CATSPERB: variants seen among roughly 807,000 people sequenced by gnomAD.
The protein encoded by CATSPERB is cation channel sperm-associated auxiliary subunit beta.
A neutral mutation model predicts 128.3 loss-of-function variants in CATSPERB; 93 were observed. The observed-to-expected ratio is 0.72, with a 90% CI of 0.61 to 0.86. CATSPERB has a LOEUF of 0.86. CATSPERB is among the 40% of genes least tolerant of loss of function. The probability of loss-of-function intolerance (pLI) is 0.00; values close to 1 mark genes in which losing one functional copy is unlikely to be tolerated. For synonymous variants in CATSPERB, 381 were observed against 448.8 expected, an observed-to-expected ratio of 0.85 and a Z score of 1.91; for missense variants, 1,153 against 1,329.5, an observed-to-expected ratio of 0.87 and a Z score of 2.06.
At chr14:91,683,843 CT>C in intron 11 of CATSPERB, 33 bp downstream of exon 11, 2 of 1,346,432 alleles carry the variant, frequency 1.5e-6, no homozygotes, top group Non-Finnish European at 2.1e-6. Flanking sequence ...ATGTAAAAGT[CT>C]CTTAATACAG....
At chr14:91,590,758 C>G (rs1480273274) in intron 23 of CATSPERB, among the ~76,000 whole-genome samples, 2 of 151,752 alleles carry the variant, frequency 1.3e-5, no homozygotes, top group Non-Finnish European at 2.9e-5. Context: ...TCAAGCCATT[C>G]TCCTGCCTTA....
chr14:91,695,129 ATTTT>A lies in CATSPERB; in HGVS notation c.617-1654_617-1651del, dbSNP rs34458723. ...TTTAGTTTTACAGATAATGGTGGGA[ATTTT>A]TTTTTTTTTTTTTTTTGATAGAGTC... is the stretch of plus-strand genomic sequence containing the variant. On this transcript the variant is annotated intron_variant, in intron 7 of 26. Coordinates refer to ENST00000256343, the MANE Select transcript of CATSPERB (RefSeq NM_024764.4). Among the ~76,000 whole-genome samples the A allele has an allele frequency of 5.3e-3, 714 of 133,526 alleles. 3 individuals carry two copies. Among genetic ancestry groups the A allele is most frequent in the African/African-American group, 0.018 (662 of 35,858 alleles). 87.6% of individuals were successfully genotyped at this position (133,526 alleles called of 152,430 possible). A position where few individuals can be genotyped will look rare whatever the true frequency, so the allele number is the denominator to read the frequency against.
chr14:91,715,716 T>C (rs540494693), intron 5 of CATSPERB, among the ~76,000 whole-genome samples: 56 of 152,188 alleles, frequency 3.7e-4, no homozygotes, highest in African/African-American at 1.2e-3. Flanking sequence ...ACCAAAACAA[T>C]TTTGAAAAAG....
intron 16 of CATSPERB, 146 bp downstream of exon 16, chr14:91,638,950 G>T (rs758918112): frequency 1.4e-4 from 89 of 647,928 alleles, no homozygotes; most frequent in Non-Finnish European, 2.2e-4. Flanking sequence ...GGCACATGGA[G>T]GTTCTTCCTT....
chr14:91,647,582 T>C (rs984481004), intron 15 of CATSPERB, among the ~76,000 whole-genome samples: 4 of 152,222 alleles, frequency 2.6e-5, no homozygotes, highest in African/African-American at 9.6e-5. Flanking sequence ...CTTACAATCA[T>C]GGCTGAAAGC....
chr14:91,603,982 C>G (rs1323500510), intron 22 of CATSPERB, among the ~76,000 whole-genome samples: 1 of 132,838 alleles, frequency 7.5e-6, no homozygotes, highest in African/African-American at 2.9e-5. Context: ...TTTTTTTTGT[C>G]TCTCTCTCCC....
intron 15 of CATSPERB, among the ~76,000 whole-genome samples, chr14:91,654,314 G>C: frequency 6.6e-6 from 1 of 152,152 alleles, no homozygotes. Flanking sequence ...TGGGGTCTCT[G>C]ATTCCAGGAC....
intron 7 of CATSPERB, among the ~76,000 whole-genome samples, chr14:91,696,976 G>A (rs1249962666): frequency 6.6e-6 from 1 of 152,168 alleles, no homozygotes; most frequent in Admixed American, 6.5e-5. Flanking sequence ...GCACAGCCAA[G>A]AGTAAGAGGG....
intron 26 of CATSPERB, among the ~76,000 whole-genome samples, chr14:91,586,372 A>AAGG (rs1893297854): frequency 1.3e-5 from 2 of 152,034 alleles, no homozygotes; most frequent in Admixed American, 1.3e-4. Context: ...AAAAAATAAC[A>AAGG]AGGATTTTCC....
At position 91,604,597 on chromosome 14, in the gene CATSPERB, A is replaced by G. The variant is rs574004454; in HGVS notation, c.2709+3697T>C. ...ACTGCAGAGATTCCTCTCCATAGTTATAGAAGGGACTGTTCCAGGCCTGAT... is the reference window on the plus strand; with the variant it reads ...ACTGCAGAGATTCCTCTCCATAGTTGTAGAAGGGACTGTTCCAGGCCTGAT... On this transcript the variant is annotated intron_variant, in intron 22 of 26. Coordinates refer to ENST00000256343, the MANE Select transcript of CATSPERB (RefSeq NM_024764.4). 1.9e-6 allele frequency: 3 copies of G among 1,610,796 alleles called. No homozygotes were observed. In the Admixed American group the frequency reaches 5.0e-5, roughly 27 times the overall value.
chr14:91,625,677 T>C lies in CATSPERB; in HGVS notation c.1743-670A>G, dbSNP rs529329500. ...CATCAAAGTGTTAACAGTCATAATT[T>C]CAATTATCTTAATATTTTTCTGCCT... is the stretch of plus-strand genomic sequence containing the variant. On this transcript the variant is annotated intron_variant, in intron 17 of 26. Coordinates refer to ENST00000256343, the MANE Select transcript of CATSPERB (RefSeq NM_024764.4). Among the ~76,000 whole-genome samples the C allele has an allele frequency of 6.2e-4, 95 of 152,328 alleles. 1 individual carries two copies. Among genetic ancestry groups the C allele is most frequent in the African/African-American group, 2.2e-3 (92 of 41,576 alleles).
At chr14:91,589,097 A>G (rs146463521) in intron 24 of CATSPERB, among the ~76,000 whole-genome samples, 1 of 152,342 alleles carries the variant, frequency 6.6e-6, no homozygotes, top group African/African-American at 2.4e-5. Flanking sequence ...CATCTTTTCA[A>G]TTATTTTACC....
rs974059881 is a variant in CATSPERB, at chr14:91,638,973, G to A, written c.1587+123C>T. 3.7e-6 allele frequency: 3 copies of A among 811,890 alleles called. No homozygotes were observed. In the East Asian group the frequency reaches 7.9e-5, roughly 21 times the overall value. 50.3% of individuals were successfully genotyped at this position (811,890 alleles called of 1,614,324 possible). A position where few individuals can be genotyped will look rare whatever the true frequency, so the allele number is the denominator to read the frequency against. The stretch of plus-strand genomic sequence containing the variant: ...GAGGTTCTTCCTTTAGTTAAATAGA[G>A]CAAACTGCATTAATGAGTTTGTCCC... On this transcript the variant is annotated intron_variant, in intron 16 of 26. Transcript: ENST00000256343.
intron 5 of CATSPERB, 119 bp from the exon 6 acceptor site, chr14:91,708,355 G>C: frequency 1.6e-6 from 1 of 625,760 alleles, no homozygotes; most frequent in Non-Finnish European, 2.7e-6. Context: ...CCATTTTGTT[G>C]GTATTTATAT....
At chr14:91,692,252 A>G (rs1895485912) in intron 9 of CATSPERB, among the ~76,000 whole-genome samples, 1 of 151,084 alleles carries the variant, frequency 6.6e-6, no homozygotes, top group Admixed American at 6.6e-5. Context: ...AGGAAGGCAC[A>G]CCCTCAACCT....
Position 91,730,885 on chromosome 14 carries a change from G to A in CATSPERB, c.-1+1045C>T, listed in dbSNP as rs112538296. Among the ~76,000 whole-genome samples, 373 of 152,206 alleles carry A rather than the reference G, an allele frequency of 2.5e-3. 3 individuals are homozygous for A. Among genetic ancestry groups the A allele is most frequent in the African/African-American group, 8.3e-3 (343 of 41,524 alleles). ...ATCACATTAACAGGGGAGAACTGAA[G>A]GTTTTTAGTGCATTTTTAAAAATCA... On this transcript the variant is annotated intron_variant, in intron 1 of 26. Transcript: ENST00000256343.
rs182844992 is a variant in CATSPERB, at chr14:91,604,801, G to A, written c.2709+3493C>T. 1.2e-3 allele frequency: 2,004 copies of A among 1,605,966 alleles called. 13 individuals carry two copies. The African/African-American group carries it at 0.024, about 19-fold the overall frequency. ...GGTAGGAAGAGTAGAGGCTGGGGTA[G>A]GTAGGTGCTGAGGCCTTCTGAGTCA... On this transcript the variant is annotated intron_variant, in intron 22 of 26. Coordinates refer to ENST00000256343, the MANE Select transcript of CATSPERB (RefSeq NM_024764.4).
intron 13 of CATSPERB, among the ~76,000 whole-genome samples, chr14:91,672,562 A>G (rs1440686552): frequency 6.6e-6 from 1 of 152,044 alleles, no homozygotes; most frequent in Non-Finnish European, 1.5e-5. Flanking sequence ...TTTTCTGTTT[A>G]ATTAACCATT....
At chr14:91,649,098 T>C (rs1894658831) in intron 15 of CATSPERB, among the ~76,000 whole-genome samples, 1 of 152,166 alleles carries the variant, frequency 6.6e-6, no homozygotes, top group South Asian at 2.1e-4. Flanking sequence ...GAAAAGAGAC[T>C]GCTGTACCCT....
Sources: allele counts gnomAD v4.1 joint callset (sites outside exome capture counted in the v4.1 genomes callset), GRCh38; gene constraint gnomAD v4.1.1; transcripts MANE v1.5; gene names NCBI Gene and HGNC (gene_info 2026-07-23, HGNC 2026-07-21).